The following PXDNL variants were observed in gnomAD, a reference collection of about 807,000 sequenced individuals.
The protein encoded by PXDNL is probable oxidoreductase PXDNL.
A neutral mutation model predicts 150.8 loss-of-function variants in PXDNL; 145 were observed. The observed-to-expected ratio is 0.96, with a 90% CI of 0.84 to 1.10. PXDNL has a LOEUF of 1.10. Ranked by LOEUF, PXDNL falls within the 50% of genes least tolerant of loss-of-function variation. The probability of loss-of-function intolerance (pLI) is 0.00; values close to 1 mark genes in which losing one functional copy is unlikely to be tolerated. For missense variants in PXDNL, 2,087 were observed against 1,873.9 expected (o/e 1.11, Z -2.10); for synonymous variants, 757 against 725.7 (o/e 1.04, Z -0.69).
At chr8:51,590,645 T>A (rs541899589) in intron 3 of PXDNL, among the ~76,000 whole-genome samples, 5 of 152,348 alleles carry the variant, frequency 3.3e-5, no homozygotes, top group African/African-American at 7.2e-5. Flanking sequence ...GCTCCTTTCT[T>A]TTTGCCTATC....
Position 51,339,688 on chromosome 8 carries a change from A to C in PXDNL, c.4082T>G (p.Phe1361Cys). Reference sequence around the variant, plus strand: ...TGCAAACGTGCTGAAATCTTGGGAGAACTTTGTTTTTGCCAGAACTGTCAC... The same window carrying C: ...TGCAAACGTGCTGAAATCTTGGGAGCACTTTGTTTTTGCCAGAACTGTCAC... Reference protein sequence around the residue: ...RNVTVLAKTKFSQDFSTFAAE... With the variant: ...RNVTVLAKTKCSQDFSTFAAE... The change falls in exon 21 of 23, where the codon TTC (phenylalanine) becomes TGC (cysteine). Residue 1361 changes from phenylalanine (F) to cysteine (C), a missense_variant. Phe to Cys is a radical substitution (Grantham distance 205). Coordinates refer to ENST00000356297, the MANE Select transcript of PXDNL (RefSeq NM_144651.5). 6.2e-7 allele frequency: 1 copy of C among 1,613,490 alleles called. No individual in the cohort carries two copies. The highest frequency in any genetic ancestry group is 2.2e-5 in the East Asian group (1 of 44,832).
chr8:51,487,008 T>C (rs979644735), intron 5 of PXDNL, among the ~76,000 whole-genome samples: 1 of 151,526 alleles, frequency 6.6e-6, no homozygotes, highest in Non-Finnish European at 1.5e-5. Context: ...TTGGCCAGAA[T>C]GGCCTCCATC....
chr8:51,352,114 G>A (rs1466163059), intron 19 of PXDNL, among the ~76,000 whole-genome samples: 1 of 151,918 alleles, frequency 6.6e-6, no homozygotes, highest in Non-Finnish European at 1.5e-5. Context: ...ACTGCACACT[G>A]CCCTCGACTT....
chr8:51,413,259 CT>C lies in PXDNL; in HGVS notation c.1796-2del. ...TCGCCAGCTTGTCTACCCTGTATAG[CT>C]TTGAAAATCAATTCCATGATTAAAA... On this transcript the variant is annotated splice_acceptor_variant, in intron 14 of 22. Coordinates refer to ENST00000356297, the MANE Select transcript of PXDNL (RefSeq NM_144651.5). LOFTEE classifies it high-confidence loss of function. 1 of 1,573,508 alleles carries C rather than the reference CT, an allele frequency of 6.4e-7. No homozygotes were observed. Among genetic ancestry groups the C allele is most frequent in the East Asian group, 2.2e-5 (1 of 44,454 alleles).
chr8:51,575,740 AC>A (rs1255162436), intron 3 of PXDNL, among the ~76,000 whole-genome samples: 1 of 152,050 alleles, frequency 6.6e-6, no homozygotes, highest in Admixed American at 6.6e-5. Flanking sequence ...GATTGGCAAA[AC>A]AGATTTTAAA....
intron 19 of PXDNL, among the ~76,000 whole-genome samples, chr8:51,351,528 C>T (rs1201429277): frequency 6.6e-6 from 1 of 152,228 alleles, no homozygotes; most frequent in African/African-American, 2.4e-5. Flanking sequence ...CCTGCCAGCA[C>T]TTGATCTTAG....
intron 1 of PXDNL, among the ~76,000 whole-genome samples, chr8:51,728,961 T>C (rs928782009): frequency 6.6e-6 from 1 of 152,180 alleles, no homozygotes; most frequent in Non-Finnish European, 1.5e-5. Context: ...GGTGTACCAG[T>C]TTTTGCCTTT....
chr8:51,561,389 G>T (rs907950204), intron 3 of PXDNL, among the ~76,000 whole-genome samples: 2 of 151,796 alleles, frequency 1.3e-5, no homozygotes, highest in African/African-American at 2.4e-5. Context: ...ACAAAATGTG[G>T]TATATACATA....
At position 51,603,771 on chromosome 8, in the gene PXDNL, T is replaced by C. The variant is rs76553506; in HGVS notation, c.237-11073A>G. 3.3e-5 allele frequency among the ~76,000 whole-genome samples: 5 copies of C among 152,222 alleles called. No individual in the cohort carries two copies. In the East Asian group the frequency reaches 9.6e-4, roughly 29 times the overall value. ...ATAATGATGATAATGGACATTCTTT[T>C]AGAGTTTTGCCCTTAATAATTATGA... On this transcript the variant is annotated intron_variant, in intron 2 of 22. Transcript: ENST00000356297.
intron 8 of PXDNL, among the ~76,000 whole-genome samples, chr8:51,462,374 A>G (rs1425966900): frequency 3.3e-5 from 5 of 152,244 alleles, no homozygotes; most frequent in Non-Finnish European, 5.9e-5. Flanking sequence ...AGATAAGGAG[A>G]AAGTTGAAAC....
intron 6 of PXDNL, among the ~76,000 whole-genome samples, chr8:51,479,693 A>T (rs1252726457): frequency 6.6e-6 from 1 of 152,182 alleles, no homozygotes; most frequent in East Asian, 1.9e-4. Context: ...GTGAAATAAT[A>T]GACACTGGAC....
chr8:51,322,019 T>C (rs1274038082), intron 21 of PXDNL, among the ~76,000 whole-genome samples: 3 of 152,000 alleles, frequency 2.0e-5, no homozygotes, highest in East Asian at 1.9e-4. Flanking sequence ...GGTGTCCTTG[T>C]AAAAAAGAGG....
Position 51,664,455 on chromosome 8 carries a change from A to G in PXDNL, c.165-9695T>C, listed in dbSNP as rs886249186. On this transcript the variant is annotated intron_variant, in intron 1 of 22. Coordinates refer to ENST00000356297, the MANE Select transcript of PXDNL (RefSeq NM_144651.5). ...TTCTGTGCCCCACACTCCATGTTAA[A>G]TGTGGCTCCTCCAAATGCCCGTGTG... is the stretch of plus-strand genomic sequence containing the variant. 5.7e-4 allele frequency among the ~76,000 whole-genome samples: 86 copies of G among 152,142 alleles called. 1 individual carries two copies. Among genetic ancestry groups the G allele is most frequent in the Non-Finnish European group, 1.2e-3 (82 of 68,018 alleles).
At chr8:51,470,940 C>A (rs147286785) in intron 8 of PXDNL, among the ~76,000 whole-genome samples, 1 of 151,100 alleles carries the variant, frequency 6.6e-6, no homozygotes, top group African/African-American at 2.4e-5. Context: ...GGCTTCATGA[C>A]GAAAACATGA....
intron 19 of PXDNL, among the ~76,000 whole-genome samples, chr8:51,369,595 T>A (rs1807031591): frequency 6.6e-6 from 1 of 152,094 alleles, no homozygotes; most frequent in South Asian, 2.1e-4. Context: ...ATCAGGCATA[T>A]TCATATCTTT....
At chr8:51,631,547 G>C (rs187489117) in intron 2 of PXDNL, among the ~76,000 whole-genome samples, 7 of 152,214 alleles carry the variant, frequency 4.6e-5, no homozygotes, top group Admixed American at 2.0e-4. Context: ...CTTTTGAGCT[G>C]ACATGAAAGG....
chr8:51,553,740 TTATATATATATA>T (rs747698313), intron 4 of PXDNL, among the ~76,000 whole-genome samples: 9 of 112,948 alleles, frequency 8.0e-5, no homozygotes, highest in African/African-American at 1.6e-4. Context: ...GTGAGGGATT[TTATATATATATA>T]TATATATATA....
intron 2 of PXDNL, among the ~76,000 whole-genome samples, chr8:51,616,226 C>T (rs766233565): frequency 4.6e-5 from 7 of 152,298 alleles, no homozygotes; most frequent in Non-Finnish European, 7.4e-5. Flanking sequence ...GGAAATCTTA[C>T]ATTTGAAAAA....
intron 2 of PXDNL, among the ~76,000 whole-genome samples, chr8:51,624,099 CAAAA>C (rs59841822): frequency 6.3e-5 from 5 of 79,584 alleles, no homozygotes; most frequent in Admixed American, 5.3e-4. Context: ...TCTCAAATTA[CAAAA>C]AAAAAAAAAA....
Sources: gnomAD v4.1 joint callset for allele counts (sites outside exome capture counted in the v4.1 genomes callset) on GRCh38, gnomAD v4.1.1 for gene constraint, MANE v1.5 for transcripts, NCBI Gene and HGNC (gene_info 2026-07-23, HGNC 2026-07-21) for gene names.